The following PITPNC1 variants were observed in gnomAD, a reference collection of about 807,000 sequenced individuals.
The protein encoded by PITPNC1 is cytoplasmic phosphatidylinositol transfer protein 1.
PITPNC1 carries 18 observed loss-of-function variants against 44.7 expected under a neutral mutation model. The ratio of observed to expected loss-of-function variants is 0.40; its 90% CI spans 0.28 to 0.60. The LOEUF (loss-of-function observed/expected upper bound fraction) is 0.60, where lower values mean the gene tolerates loss of function less well. Ranked by LOEUF, PITPNC1 falls within the 20% of genes least tolerant of loss-of-function variation. The pLI, the probability that PITPNC1 is intolerant of heterozygous loss-of-function variation, is 0.39. For missense variants in PITPNC1, 290 were observed against 418.4 expected (o/e 0.69, Z 2.68); for synonymous variants, 141 against 149.6 (o/e 0.94, Z 0.42).
intron 8 of PITPNC1, among the ~76,000 whole-genome samples, chr17:67,686,570 C>T (rs1169223558): frequency 1.3e-5 from 2 of 152,082 alleles, no homozygotes; most frequent in Non-Finnish European, 2.9e-5. Context: ...TCAATTGTAC[C>T]AGTGAATATC....
At chr17:67,505,198 G>T (rs1195731229) in intron 1 of PITPNC1, among the ~76,000 whole-genome samples, 1 of 152,128 alleles carries the variant, frequency 6.6e-6, no homozygotes, top group African/African-American at 2.4e-5. Flanking sequence ...CTGCTGTGTT[G>T]AGTGATGTGT....
At chr17:67,671,775 G>A (rs2042517319) in intron 7 of PITPNC1, among the ~76,000 whole-genome samples, 1 of 152,150 alleles carries the variant, frequency 6.6e-6, no homozygotes, top group African/African-American at 2.4e-5. Context: ...TATTGCACAG[G>A]AAAGCAATTG....
intron 1 of PITPNC1, among the ~76,000 whole-genome samples, chr17:67,416,686 A>G (rs896033012): frequency 4.6e-5 from 7 of 152,100 alleles, no homozygotes; most frequent in Admixed American, 1.3e-4. Context: ...GAGAAGTACA[A>G]TTTTTGCTGA....
At chr17:67,455,716 A>G (rs1157872419) in intron 1 of PITPNC1, among the ~76,000 whole-genome samples, 1 of 151,954 alleles carries the variant, frequency 6.6e-6, no homozygotes, top group African/African-American at 2.4e-5. Flanking sequence ...TGCTGGGATT[A>G]CAGACGTGAG....
intron 1 of PITPNC1, among the ~76,000 whole-genome samples, chr17:67,419,345 A>G (rs1439355568): frequency 6.6e-6 from 1 of 152,158 alleles, no homozygotes; most frequent in African/African-American, 2.4e-5. Context: ...CTGGAGTAGG[A>G]CGCAGACATG....
intron 1 of PITPNC1, among the ~76,000 whole-genome samples, chr17:67,513,655 C>G (rs1033512869): frequency 6.6e-5 from 10 of 151,866 alleles, no homozygotes; most frequent in African/African-American, 2.4e-4. Flanking sequence ...GAAGAGACGG[C>G]TGGAAGGGGG....
intron 2 of PITPNC1, among the ~76,000 whole-genome samples, chr17:67,544,701 CTT>C (rs138945072): frequency 6.6e-6 from 1 of 152,232 alleles, no homozygotes; most frequent in Non-Finnish European, 1.5e-5. Flanking sequence ...GTCATGAACT[CTT>C]TTTTAACTGA....
intron 6 of PITPNC1, among the ~76,000 whole-genome samples, chr17:67,662,522 T>C (rs529545127): frequency 6.6e-6 from 1 of 152,304 alleles, no homozygotes; most frequent in East Asian, 1.9e-4. Flanking sequence ...CATTTTAATC[T>C]AATTTTAGAA....
intron 1 of PITPNC1, among the ~76,000 whole-genome samples, chr17:67,455,958 C>T (rs1341877590): frequency 1.3e-5 from 2 of 152,102 alleles, no homozygotes; most frequent in Admixed American, 6.5e-5. Context: ...AATAATGAAA[C>T]GTACACTTAT....
At chr17:67,408,574 CTTCCCT>C (rs1355140607) in intron 1 of PITPNC1, among the ~76,000 whole-genome samples, 1 of 151,764 alleles carries the variant, frequency 6.6e-6, no homozygotes, top group Non-Finnish European at 1.5e-5. Context: ...CAGTGTTTCC[CTTCCCT>C]TTCCCTTTCC....
In PITPNC1 at chr17:67,516,687, G is replaced by A. The variant is rs148720718; in HGVS notation, c.49-16115G>A. 1.2e-3 allele frequency among the ~76,000 whole-genome samples: 184 copies of A among 152,172 alleles called. 1 individual carries two copies. Among genetic ancestry groups the A allele is most frequent in the East Asian group, 4.1e-3 (21 of 5,174 alleles). ...GTCGCCCAGGCTGGAGTGCAGTAGCGCCATCTTCACTGCAATCACCTCCCA... is the reference window on the plus strand; with the variant it reads ...GTCGCCCAGGCTGGAGTGCAGTAGCACCATCTTCACTGCAATCACCTCCCA... On this transcript the variant is annotated intron_variant, in intron 1 of 8. Transcript: ENST00000581322.
At chr17:67,389,641 G>A (rs1382141546) in intron 1 of PITPNC1, among the ~76,000 whole-genome samples, 2 of 152,104 alleles carry the variant, frequency 1.3e-5, no homozygotes, top group African/African-American at 2.4e-5. Flanking sequence ...GGTATGTAAA[G>A]TACATCTCAG....
intron 4 of PITPNC1, among the ~76,000 whole-genome samples, chr17:67,562,782 G>A (rs1049741423): frequency 2.6e-5 from 4 of 152,088 alleles, no homozygotes; most frequent in Admixed American, 6.6e-5. Context: ...TTACCTTTTT[G>A]AAATTGATGT....
At chr17:67,453,376 CAGG>C (rs2039211379) in intron 1 of PITPNC1, among the ~76,000 whole-genome samples, 1 of 152,006 alleles carries the variant, frequency 6.6e-6, no homozygotes, top group Admixed American at 6.6e-5. Flanking sequence ...ATAGACAGAG[CAGG>C]AGGAGGAAAG....
chr17:67,560,332 G>A (rs1305452957), intron 4 of PITPNC1, among the ~76,000 whole-genome samples: 2 of 152,184 alleles, frequency 1.3e-5, no homozygotes, highest in Non-Finnish European at 2.9e-5. Flanking sequence ...AAATTTCAGT[G>A]AGCTAATGTG....
chr17:67,573,861 A>G (rs1475934706), intron 4 of PITPNC1, among the ~76,000 whole-genome samples: 2 of 152,140 alleles, frequency 1.3e-5, no homozygotes, highest in Non-Finnish European at 2.9e-5. Context: ...ATGCCCGGCT[A>G]CTGACTACTC....
intron 1 of PITPNC1, among the ~76,000 whole-genome samples, chr17:67,460,221 G>A (rs536519406): frequency 6.6e-6 from 1 of 152,240 alleles, no homozygotes; most frequent in South Asian, 2.1e-4. Context: ...TCAGCCCCTG[G>A]ATTGCCATTG....
chr17:67,628,149 C>T (rs541408285), intron 5 of PITPNC1, among the ~76,000 whole-genome samples: 145 of 152,230 alleles, frequency 9.5e-4, no homozygotes, highest in African/African-American at 3.3e-3. Flanking sequence ...GCCATCCACC[C>T]GCCTTGGCCT....
chr17:67,660,858 TTC>T (rs1038146834), intron 6 of PITPNC1, among the ~76,000 whole-genome samples: 3 of 147,580 alleles, frequency 2.0e-5, no homozygotes, highest in African/African-American at 7.5e-5. Context: ...ATGAATCACA[TTC>T]TCTTTTTTTT....
Sources: gnomAD v4.1 joint callset for allele counts (sites outside exome capture counted in the v4.1 genomes callset) on GRCh38, gnomAD v4.1.1 for gene constraint, MANE v1.5 for transcripts, NCBI Gene and HGNC (gene_info 2026-07-23, HGNC 2026-07-21) for gene names.